The following KDM4C variants were observed in gnomAD, a reference collection of about 807,000 sequenced individuals.
The protein encoded by KDM4C is lysine-specific demethylase 4C.
A neutral mutation model predicts 129.3 loss-of-function variants in KDM4C; 81 were observed. The observed-to-expected ratio is 0.63, with a 90% CI of 0.52 to 0.75. The LOEUF (loss-of-function observed/expected upper bound fraction) is 0.75, where lower values mean the gene tolerates loss of function less well. Among genes scored for constraint, KDM4C ranks in the 30% least tolerant of loss-of-function variants. The pLI, the probability that KDM4C is intolerant of heterozygous loss-of-function variation, is 0.00. For synonymous variants in KDM4C, 573 were observed against 456.1 expected, an observed-to-expected ratio of 1.26 and a Z score of -3.26; for missense variants, 1,457 against 1,304.0, an observed-to-expected ratio of 1.12 and a Z score of -1.81.
At chr9:6,795,984 A>T (rs1228286080) in intron 2 of KDM4C, among the ~76,000 whole-genome samples, 2 of 152,164 alleles carry the variant, frequency 1.3e-5, no homozygotes, top group African/African-American at 4.8e-5. Context: ...TTCCTAGAAA[A>T]GTTTTAAAAT....
At chr9:6,784,006 T>A (rs1303032866) in intron 1 of KDM4C, among the ~76,000 whole-genome samples, 1 of 152,052 alleles carries the variant, frequency 6.6e-6, no homozygotes, top group Admixed American at 6.5e-5. Context: ...TGGGAGAAAT[T>A]TGAGCATCTG....
intron 15 of KDM4C, among the ~76,000 whole-genome samples, chr9:7,019,731 TATATAAAA>T (rs1283663614): frequency 9.3e-6 from 1 of 107,836 alleles, no homozygotes; most frequent in East Asian, 3.6e-4. Context: ...AATATTTTTA[TATATAAAA>T]ATATAATATT....
At chr9:6,743,020 A>G (rs1313763918) in intron 1 of KDM4C, among the ~76,000 whole-genome samples, 1 of 152,144 alleles carries the variant, frequency 6.6e-6, no homozygotes, top group African/African-American at 2.4e-5. Context: ...AAAAAATAAA[A>G]CAAAAATCCT....
At chr9:6,977,234 A>G (rs1003511914) in intron 8 of KDM4C, among the ~76,000 whole-genome samples, 5 of 152,146 alleles carry the variant, frequency 3.3e-5, no homozygotes, top group Admixed American at 6.5e-5. Flanking sequence ...AATCTAATTG[A>G]TCTTCTACAT....
chr9:6,935,647 T>G (rs1824648882), intron 8 of KDM4C, among the ~76,000 whole-genome samples: 1 of 151,966 alleles, frequency 6.6e-6, no homozygotes, highest in Admixed American at 6.6e-5. Context: ...CTCATTGTAA[T>G]ATTTCATAAC....
intron 15 of KDM4C, among the ~76,000 whole-genome samples, chr9:7,034,602 C>T (rs773572564): frequency 3.9e-5 from 6 of 152,140 alleles, no homozygotes; most frequent in Non-Finnish European, 8.8e-5. Context: ...GATTCCATAT[C>T]TTAGCTATTT....
chr9:7,025,573 A>C (rs1825673419), intron 15 of KDM4C, among the ~76,000 whole-genome samples: 1 of 152,190 alleles, frequency 6.6e-6, no homozygotes. Context: ...TTATCTTACA[A>C]CCTATTATTT....
At chr9:7,069,982 A>G (rs962414376) in intron 17 of KDM4C, among the ~76,000 whole-genome samples, 26 of 152,256 alleles carry the variant, frequency 1.7e-4, no homozygotes, top group African/African-American at 6.3e-4. Context: ...AAAGAGAGGT[A>G]CAGATTTAAG....
chr9:7,032,354 A>G (rs950782473), intron 15 of KDM4C, among the ~76,000 whole-genome samples: 2 of 152,188 alleles, frequency 1.3e-5, no homozygotes, highest in African/African-American at 4.8e-5. Flanking sequence ...TTTATTCCAG[A>G]ACACAACCTT....
intron 8 of KDM4C, among the ~76,000 whole-genome samples, chr9:6,926,274 A>C (rs989208744): frequency 6.7e-6 from 1 of 149,388 alleles, no homozygotes; most frequent in Non-Finnish European, 1.5e-5. Context: ...TGTAAGAATT[A>C]ACTGAGGTAA....
chr9:6,907,132 G>C (rs1009650233), intron 8 of KDM4C, among the ~76,000 whole-genome samples: 3 of 152,062 alleles, frequency 2.0e-5, no homozygotes, highest in Non-Finnish European at 4.4e-5. Context: ...AAAACAGCAG[G>C]GTGTATGTAT....
Position 6,758,583 on chromosome 9 carries a change from C to T in KDM4C, c.-18+380C>T, listed in dbSNP as rs1317937058. On this transcript the variant is annotated intron_variant, in intron 1 of 21. Coordinates refer to ENST00000381309, the MANE Select transcript of KDM4C (RefSeq NM_015061.6). This position sits in a 1 kb window ranked among gnomAD's most constrained non-coding sequence, Gnocchi z 4.6. ...GTGGCGGACTCCAGGAAGGCCGGGC[C>T]TGGTGCACCCCTCGGGGCCCTCCCT... Among the ~76,000 whole-genome samples, 1 of 152,204 alleles carries T rather than the reference C, an allele frequency of 6.6e-6. No individual in the cohort carries two copies. Among genetic ancestry groups the T allele is most frequent in the Non-Finnish European group, 1.5e-5 (1 of 68,024 alleles).
At chr9:6,844,235 T>C (rs184539552) in intron 4 of KDM4C, among the ~76,000 whole-genome samples, 138 of 152,362 alleles carry the variant, frequency 9.1e-4, no homozygotes, top group Middle Eastern at 6.8e-3. Context: ...CTTTGGACTA[T>C]CTTCATTTAC....
chr9:7,092,308 TC>T (rs2133055009), intron 17 of KDM4C, among the ~76,000 whole-genome samples: 1 of 152,292 alleles, frequency 6.6e-6, no homozygotes, highest in South Asian at 2.1e-4. Flanking sequence ...GAGCTGGGAC[TC>T]CTATGCACTC....
chr9:6,732,319 C>G (rs573091723), intron 1 of KDM4C, among the ~76,000 whole-genome samples: 1 of 123,412 alleles, frequency 8.1e-6, no homozygotes, highest in Admixed American at 1.0e-4. Flanking sequence ...GAGCTGAGAT[C>G]ATGCCACTGC....
chr9:7,122,997 G>C (rs1057123162), intron 18 of KDM4C, among the ~76,000 whole-genome samples: 1 of 152,170 alleles, frequency 6.6e-6, no homozygotes, highest in Admixed American at 6.5e-5. Flanking sequence ...TATGTAATCA[G>C]TTATGGGGTA....
intron 4 of KDM4C, among the ~76,000 whole-genome samples, chr9:6,840,618 A>C (rs1836744036): frequency 6.6e-6 from 1 of 152,010 alleles, no homozygotes; most frequent in Admixed American, 6.6e-5. Flanking sequence ...GCTGGTCTCA[A>C]ACTTCTGACC....
chr9:6,889,755 G>C (rs753425007), intron 7 of KDM4C, among the ~76,000 whole-genome samples: 1 of 152,354 alleles, frequency 6.6e-6, no homozygotes, highest in South Asian at 2.1e-4. Context: ...TTCCTTTGGG[G>C]CTGGTGTTAG....
chr9:7,043,770 T>C (rs1248584894), intron 15 of KDM4C, among the ~76,000 whole-genome samples: 1 of 152,004 alleles, frequency 6.6e-6, no homozygotes, highest in Non-Finnish European at 1.5e-5. Context: ...TGAATATTTT[T>C]GTTCTTCACA....
Sources: gnomAD v4.1 joint callset for allele counts (sites outside exome capture counted in the v4.1 genomes callset) on GRCh38, gnomAD v4.1.1 for gene constraint, Gnocchi (gnomAD v3.1) non-coding constraint, MANE v1.5 for transcripts, NCBI Gene and HGNC (gene_info 2026-07-23, HGNC 2026-07-21) for gene names.